TMEM106B: variants seen among roughly 807,000 people sequenced by gnomAD.
The protein encoded by TMEM106B is transmembrane protein 106B.
Under a neutral mutation model 31.1 loss-of-function variants are expected in TMEM106B, and 15 were observed. The observed-to-expected ratio is 0.48, with a 90% CI of 0.32 to 0.74. The LOEUF is 0.74. Ranked by LOEUF, TMEM106B falls within the 30% of genes least tolerant of loss-of-function variation. The pLI is 0.03. For missense variants in TMEM106B, 283 were observed against 327.3 expected (o/e 0.86, Z 1.04); for synonymous variants, 126 against 112.5 (o/e 1.12, Z -0.76).
At chr7:12,230,236 A>G in intron 5 of TMEM106B, 153 bp from the exon 6 acceptor site, 1 of 689,526 alleles carries the variant, frequency 1.5e-6, no homozygotes, top group South Asian at 1.6e-5. Flanking sequence ...AAAAAGAAAA[A>G]GAAATGTGTC....
intron 1 of TMEM106B, chr7:12,214,156 G>C (rs773484084): frequency 2.0e-5 from 3 of 152,090 alleles, no homozygotes; most frequent in South Asian, 2.1e-4. Flanking sequence ...GCTGTCTCTC[G>C]TGGGGAAGAT....
intron 3 of TMEM106B, among the ~76,000 whole-genome samples, chr7:12,223,101 A>G (rs1781819679): frequency 6.6e-6 from 1 of 152,212 alleles, no homozygotes; most frequent in Non-Finnish European, 1.5e-5. Context: ...TAGTTATTTG[A>G]ACTCTGGTTT....
chr7:12,216,998 T>C (rs1344863227), intron 2 of TMEM106B, among the ~76,000 whole-genome samples: 1 of 150,078 alleles, frequency 6.7e-6, no homozygotes, highest in Non-Finnish European at 1.5e-5. Flanking sequence ...AGGTAGTCAT[T>C]AGAAGGGGCT....
At position 12,238,352 on chromosome 7, in the gene TMEM106B, T is replaced by A. The variant is rs933329617; in HGVS notation, c.*6377T>A. 3 of 152,448 alleles carry A rather than the reference T, an allele frequency of 2.0e-5. 1 individual carries two copies. In the South Asian group the frequency reaches 6.2e-4, roughly 32 times the overall value. The allele number at this position is 152,448 out of a possible 1,614,324, so 9.4% of individuals were successfully genotyped here. On this transcript the variant is annotated 3_prime_UTR_variant, in exon 8 of 8. Transcript: ENST00000396668. ...CATTGCTAAATTTTAGTTCTCTTGC[T>A]ATTTCCACATCTGCTGTGACTTCCT...
Position 12,238,431 on chromosome 7 carries a change from T to C in TMEM106B, c.*6456T>C, listed in dbSNP as rs1782181245. On this transcript the variant is annotated 3_prime_UTR_variant, in exon 8 of 8. Transcript: ENST00000396668. Reference sequence around the variant, plus strand: ...ATCCATGAGAGTTGAAATCAATTTCTTTCAAACTCCTGTTAATGTTCATAT... The same window carrying C: ...ATCCATGAGAGTTGAAATCAATTTCCTTCAAACTCCTGTTAATGTTCATAT... 6.6e-6 allele frequency: 1 copy of C among 152,162 alleles called. No homozygotes were observed. The highest frequency in any genetic ancestry group is 1.5e-5 in the Non-Finnish European group (1 of 68,036). 9.4% of individuals were successfully genotyped at this position (152,162 alleles called of 1,614,324 possible).
chr7:12,237,372 C>T lies in TMEM106B; in HGVS notation c.*5397C>T, dbSNP rs953646562. 1 of 129,924 alleles carries T rather than the reference C, an allele frequency of 7.7e-6. No homozygotes were observed. The highest frequency in any genetic ancestry group is 1.8e-5 in the Non-Finnish European group (1 of 56,062). 8.0% of individuals were successfully genotyped at this position (129,924 alleles called of 1,614,324 possible). ...CCTTATAGTCCTTACCTGAACTCTACTTTAGCATTATCTTTGATTTCTTTT... is the reference window on the plus strand; with the variant it reads ...CCTTATAGTCCTTACCTGAACTCTATTTTAGCATTATCTTTGATTTCTTTT... On this transcript the variant is annotated 3_prime_UTR_variant, in exon 8 of 8. Transcript: ENST00000396668.
Position 12,236,988 on chromosome 7 carries a change from A to G in TMEM106B, c.*5013A>G, listed in dbSNP as rs1562712837. 6.6e-6 allele frequency: 1 copy of G among 152,188 alleles called. No individual in the cohort carries two copies. The highest frequency in any genetic ancestry group is 1.9e-4 in the East Asian group (1 of 5,184). The allele number at this position is 152,188 out of a possible 1,614,324, so 9.4% of individuals were successfully genotyped here. A position where few individuals can be genotyped will look rare whatever the true frequency, so the allele number is the denominator to read the frequency against. ...ATTCTAGTTATATAATAAATAATAT[A>G]GAATATGAAAATATGTTTGGGCATT... is the stretch of plus-strand genomic sequence containing the variant. On this transcript the variant is annotated 3_prime_UTR_variant, in exon 8 of 8. Coordinates refer to ENST00000396668, the MANE Select transcript of TMEM106B (RefSeq NM_001134232.2).
chr7:12,226,169 A>C (rs1404993092), intron 4 of TMEM106B, among the ~76,000 whole-genome samples: 1 of 152,092 alleles, frequency 6.6e-6, no homozygotes, highest in Non-Finnish European at 1.5e-5. Context: ...TTTGTCAAAG[A>C]TCAGATGGTT....
intron 4 of TMEM106B, among the ~76,000 whole-genome samples, chr7:12,225,033 A>C (rs907241174): frequency 2.0e-5 from 3 of 151,958 alleles, no homozygotes; most frequent in African/African-American, 7.3e-5. Context: ...CCACCTCACG[A>C]CAGGCCTCGG....
chr7:12,237,568 TACAC>T lies in TMEM106B; in HGVS notation c.*5596_*5599del, dbSNP rs1782162518. The T allele has an allele frequency of 6.6e-6, 1 of 152,134 alleles. No individual in the cohort carries two copies. Among genetic ancestry groups the T allele is most frequent in the African/African-American group, 2.4e-5 (1 of 41,436 alleles). 9.4% of individuals were successfully genotyped at this position (152,134 alleles called of 1,614,324 possible). A position where few individuals can be genotyped will look rare whatever the true frequency, so the allele number is the denominator to read the frequency against. ...GATAAAGTGATATAATCAAGCAAGT[TACAC>T]ACCTTTTTTTGGTTTCCCAGTGCAT... On this transcript the variant is annotated 3_prime_UTR_variant, in exon 8 of 8. Transcript: ENST00000396668.
chr7:12,239,257 ATC>A lies in TMEM106B; in HGVS notation c.*7289_*7290del. 1 of 152,224 alleles carries A rather than the reference ATC, an allele frequency of 6.6e-6. No individual in the cohort carries two copies. Among genetic ancestry groups the A allele is most frequent in the Non-Finnish European group, 1.5e-5 (1 of 68,028 alleles). 9.4% of individuals were successfully genotyped at this position (152,224 alleles called of 1,614,324 possible). ...CCAACTTTTCTTCAATAGCTTCCTC[ATC>A]TCTCTCAGCCTTCATAGAATTGAAG... is the stretch of plus-strand genomic sequence containing the variant. On this transcript the variant is annotated 3_prime_UTR_variant, in exon 8 of 8. Coordinates refer to ENST00000396668, the MANE Select transcript of TMEM106B (RefSeq NM_001134232.2).
intron 3 of TMEM106B, among the ~76,000 whole-genome samples, chr7:12,221,781 G>C (rs1639165036): frequency 6.6e-6 from 1 of 152,162 alleles, no homozygotes; most frequent in Admixed American, 6.5e-5. Flanking sequence ...AAAATGACTA[G>C]AGTTAGCAGG....
rs978086744 is a variant in TMEM106B, at chr7:12,230,946, A to G, written c.633-116A>G. ...TTGTTTGAAGTATAGAAAATTCTCAACCAACAAATGCTTATTATATTTCTT... is the reference window on the plus strand; with the variant it reads ...TTGTTTGAAGTATAGAAAATTCTCAGCCAACAAATGCTTATTATATTTCTT... On this transcript the variant is annotated intron_variant, in intron 6 of 7. Transcript: ENST00000396668. The G allele has an allele frequency of 1.7e-5, 11 of 664,350 alleles. No individual in the cohort carries two copies. The Admixed American group carries it at 1.7e-4, about 10-fold the overall frequency. 41.2% of individuals were successfully genotyped at this position (664,350 alleles called of 1,614,324 possible).
At chr7:12,230,331 C>CT in intron 5 of TMEM106B, 58 bp from the exon 6 acceptor site, 2 of 1,218,700 alleles carry the variant, frequency 1.6e-6, no homozygotes, top group Middle Eastern at 1.9e-4. Flanking sequence ...TGAAGTATAT[C>CT]TGAAATGTTT....
rs192317958 is a variant in TMEM106B at position 12,237,688 on chromosome 7, A to C, written c.*5713A>C. ...CAATATATATGCCTTAATAAAAAATAGGCTGTGTGCAGTGGCTCACACCTG... is the reference window on the plus strand; with the variant it reads ...CAATATATATGCCTTAATAAAAAATCGGCTGTGTGCAGTGGCTCACACCTG... On this transcript the variant is annotated 3_prime_UTR_variant, in exon 8 of 8. Transcript: ENST00000396668. The C allele has an allele frequency of 6.6e-6, 1 of 152,064 alleles. No homozygotes were observed. Among genetic ancestry groups the C allele is most frequent in the Non-Finnish European group, 1.5e-5 (1 of 67,996 alleles). 9.4% of individuals were successfully genotyped at this position (152,064 alleles called of 1,614,324 possible).
Position 12,242,016 on chromosome 7 carries a change from C to G in TMEM106B, c.*10041C>G, listed in dbSNP as rs1782244276. 6.6e-6 allele frequency: 1 copy of G among 151,936 alleles called. No individual in the cohort carries two copies. The highest frequency in any genetic ancestry group is 1.5e-5 in the Non-Finnish European group (1 of 67,976). The allele number at this position is 151,936 out of a possible 1,614,324, so 9.4% of individuals were successfully genotyped here. ...TGACCCGTGATGATGAGCTTTTTTT[C>G]ATGTTTGTTGGCTGCATAAATGTCT... On this transcript the variant is annotated 3_prime_UTR_variant, in exon 8 of 8. Transcript: ENST00000396668.
Position 12,241,251 on chromosome 7 carries a change from C to T in TMEM106B, c.*9276C>T, listed in dbSNP as rs1162607903. ...TCCCAAATCTATTTCAGACACCTAA[C>T]TTTTTTTTTATTTTTTATACTTTAA... On this transcript the variant is annotated 3_prime_UTR_variant, in exon 8 of 8. Coordinates refer to ENST00000396668, the MANE Select transcript of TMEM106B (RefSeq NM_001134232.2). 1.3e-5 allele frequency: 2 copies of T among 151,476 alleles called. No individual in the cohort carries two copies. Among genetic ancestry groups the T allele is most frequent in the Non-Finnish European group, 1.5e-5 (1 of 67,800 alleles). The allele number at this position is 151,476 out of a possible 1,614,324, so 9.4% of individuals were successfully genotyped here. A position where few individuals can be genotyped will look rare whatever the true frequency, so the allele number is the denominator to read the frequency against.
intron 4 of TMEM106B, among the ~76,000 whole-genome samples, chr7:12,226,615 G>C (rs1781906546): frequency 6.6e-6 from 1 of 152,036 alleles, no homozygotes; most frequent in African/African-American, 2.4e-5. Flanking sequence ...TGTGGTGGTG[G>C]TTGGAAAGAG....
chr7:12,227,489 C>G (rs1356393949), intron 4 of TMEM106B, among the ~76,000 whole-genome samples: 3 of 151,990 alleles, frequency 2.0e-5, no homozygotes. Context: ...CACATATATA[C>G]AAATGCACAT....
Sources: gnomAD v4.1 joint callset for allele counts (sites outside exome capture counted in the v4.1 genomes callset) on GRCh38, gnomAD v4.1.1 for gene constraint, MANE v1.5 for transcripts, NCBI Gene and HGNC (gene_info 2026-07-23, HGNC 2026-07-21) for gene names.